Variants in ERAL1 observed in about 807,000 individuals in gnomAD.
ERAL1 encodes GTPase Era, mitochondrial.
A neutral mutation model predicts 53.6 loss-of-function variants in ERAL1; 36 were observed. The observed-to-expected ratio is 0.67, with a 90% CI of 0.51 to 0.89. The LOEUF is 0.89. Among genes scored for constraint, ERAL1 ranks in the 40% least tolerant of loss-of-function variants. The pLI, the probability that ERAL1 is intolerant of heterozygous loss-of-function variation, is 0.00. For synonymous variants in ERAL1, 215 were observed against 211.8 expected (o/e 1.02, Z -0.13); for missense variants, 512 against 537.5 (o/e 0.95, Z 0.47).
Position 28,859,105 on chromosome 17 carries a change from G to A in ERAL1, c.1102G>A (p.Val368Ile). 6.2e-7 allele frequency: 1 copy of A among 1,614,152 alleles called. No individual in the cohort carries two copies. The highest frequency in any genetic ancestry group is 1.3e-5 in the African/African-American group (1 of 75,062). Reference sequence around the variant, plus strand: ...CCTGCCCCAGGAGGTGCCTTACAATGTACAGCAGGTACAGAGTGAAGGGTT... The same window carrying A: ...CCTGCCCCAGGAGGTGCCTTACAATATACAGCAGGTACAGAGTGAAGGGTT... The part of the protein sequence containing the change: ...EHLPQEVPYN[V>I]QQKTAVWEEG... The change falls in exon 8 of 10, where the codon GTA becomes ATA. Residue 368 changes from valine (V) to isoleucine (I), a missense_variant. Transcript: ENST00000254928.
intron 3 of ERAL1, 188 bp downstream of exon 3, chr17:28,856,770 G>A (rs1337438372): frequency 1.8e-6 from 1 of 542,560 alleles, no homozygotes; most frequent in Non-Finnish European, 3.3e-6. Context: ...GGAGTGCAGT[G>A]ACGCGATCTT....
At position 28,858,797 on chromosome 17, in the gene ERAL1, A is replaced by G; in HGVS notation, c.933A>G (p.Leu311=). The change falls in exon 7 of 10, where the codon CTA becomes CTG. Residue 311 remains leucine (L), a synonymous_variant. Transcript: ENST00000254928. Reference sequence around the variant, plus strand: ...AGGAGATCTTCATGTTGTCAGCCCTAAGCCAGGAGGACGTGAAAACACTAA... The same window carrying G: ...AGGAGATCTTCATGTTGTCAGCCCTGAGCCAGGAGGACGTGAAAACACTAA... ...HFKEIFMLSA[L]SQEDVKTLKQ... The G allele has an allele frequency of 6.2e-7, 1 of 1,614,164 alleles. No homozygotes were observed. The highest frequency in any genetic ancestry group is 2.2e-5 in the East Asian group (1 of 44,880).
rs761951821 is a variant in ERAL1, at chr17:28,860,511, C to T, written c.1272C>T (p.Leu424=). ...GCCATGACCTCATGGACATCTTCCT[C>T]TGCGATGTTGACATCCGCCTCTCTG... ...EAGHDLMDIF[L]CDVDIRLSVK... Residue 424 remains leucine (L), a synonymous_variant, in exon 10 of 10, where the codon CTC becomes CTT. Transcript: ENST00000254928. The T allele has an allele frequency of 1.9e-6, 3 of 1,607,708 alleles. No homozygotes were observed. The Admixed American group carries it at 5.1e-5, about 27-fold the overall frequency.
rs1131692170 is a variant in ERAL1, at chr17:28,858,482, A to T, written c.707A>T (p.Asn236Ile). 1.9e-6 allele frequency: 3 copies of T among 1,613,978 alleles called. No homozygotes were observed. Among genetic ancestry groups the T allele is most frequent in the Non-Finnish European group, 2.5e-6 (3 of 1,180,002 alleles). ...CAGATCCCTAGTGTCCTGGTCATGA[A>T]CAAGGTGAGCACTACCCACCTGAGG... is the stretch of plus-strand genomic sequence containing the variant. ...YSQIPSVLVM[N>I]KVDCLKQKSV... The change falls in exon 6 of 10, where the codon AAC becomes ATC. Residue 236 changes from asparagine to isoleucine, a missense_variant. By Grantham distance (149) the Asn-to-Ile change is moderately radical. Transcript: ENST00000254928.
At position 28,855,167 on chromosome 17, in the gene ERAL1, T is replaced by A. The variant is rs1463415487; in HGVS notation, c.133T>A (p.Ser45Thr). The change falls in exon 1 of 10, where the codon TCC becomes ACC. Residue 45 changes from serine to threonine, a missense_variant. Physicochemically the swap from Ser to Thr is moderately conservative, Grantham distance 58. Coordinates refer to ENST00000254928, the MANE Select transcript of ERAL1 (RefSeq NM_005702.4). ...SLLGFQRRCV[S>T]CVAGSAFSGP... ...CTTAGGCTTCCAACGGAGGTGCGTG[T>A]CCTGCGTCGCGGGGTCCGCTTTCTC... 1.9e-6 allele frequency: 3 copies of A among 1,614,128 alleles called. No homozygotes were observed. In the African/African-American group the frequency reaches 4.0e-5, roughly 22 times the overall value.
Position 28,858,814 on chromosome 17 carries a change from A to C in ERAL1, c.950A>C (p.Lys317Thr). 6.2e-7 allele frequency: 1 copy of C among 1,614,178 alleles called. No homozygotes were observed. Among genetic ancestry groups the C allele is most frequent in the Non-Finnish European group, 8.5e-7 (1 of 1,180,006 alleles). The change falls in exon 7 of 10, where the codon AAA becomes ACA. Residue 317 changes from lysine (K) to threonine (T), a missense_variant. Lys to Thr is a moderately conservative substitution (Grantham distance 78). Coordinates refer to ENST00000254928, the MANE Select transcript of ERAL1 (RefSeq NM_005702.4). ...TCAGCCCTAAGCCAGGAGGACGTGAAAACACTAAAGGTCAGTTAGTCTTGG... is the reference window on the plus strand; with the variant it reads ...TCAGCCCTAAGCCAGGAGGACGTGACAACACTAAAGGTCAGTTAGTCTTGG... ...MLSALSQEDV[K>T]TLKQYLLTQA... is the part of the protein sequence containing the mutation.
rs747889597 is a variant in ERAL1 at position 28,860,446 on chromosome 17, C to G, written c.1207C>G (p.Pro403Ala). 1.2e-6 allele frequency: 2 copies of G among 1,612,024 alleles called. No homozygotes were observed. Among genetic ancestry groups the G allele is most frequent in the Non-Finnish European group, 1.7e-6 (2 of 1,179,142 alleles). Residue 403 changes from proline (P) to alanine (A), a missense_variant, in exon 10 of 10, where the codon CCG becomes GCG. By Grantham distance (27) the Pro-to-Ala change is conservative. Transcript: ENST00000254928. ...KESYVKLLIG[P>A]KGHVISQIAQ... ...ATACCCTCAGAAACTCCTGATTGGT[C>G]CGAAGGGCCACGTGATCTCCCAGAT...
chr17:28,858,725 C>A lies in ERAL1; in HGVS notation c.861C>A (p.Asn287Lys). 6.2e-7 allele frequency: 1 copy of A among 1,614,226 alleles called. No individual in the cohort carries two copies. The highest frequency in any genetic ancestry group is 8.5e-7 in the Non-Finnish European group (1 of 1,180,042). Residue 287 changes from asparagine (N) to lysine (K), a missense_variant, in exon 7 of 10, where the codon AAC (asparagine) becomes AAA (lysine). Transcript: ENST00000254928. Reference sequence around the variant, plus strand: ...CCAGCCCAGCAGTTAAGGACCCAAACACACAATCTGTGGGAAATCCTCAGA... The same window carrying A: ...CCAGCCCAGCAGTTAAGGACCCAAAAACACAATCTGTGGGAAATCCTCAGA... The part of the protein sequence containing the change: ...HCPSPAVKDP[N>K]TQSVGNPQRI...
chr17:28,859,965 T>C (rs2039287789), intron 9 of ERAL1, among the ~76,000 whole-genome samples: 1 of 151,596 alleles, frequency 6.6e-6, no homozygotes, highest in African/African-American at 2.4e-5. Flanking sequence ...TCTAACCCTC[T>C]CTTTTTTTTA....
At chr17:28,858,027 G>A (rs768640741) in intron 4 of ERAL1, 42 bp downstream of exon 4, 27 of 1,613,882 alleles carry the variant, frequency 1.7e-5, no homozygotes, top group Middle Eastern at 3.3e-4. Flanking sequence ...GGGAGGTACT[G>A]AAAGAGGGTG....
Position 28,860,666 on chromosome 17 carries a change from A to G in ERAL1, c.*113A>G. 7.4e-7 allele frequency: 1 copy of G among 1,348,006 alleles called. No homozygotes were observed. The highest frequency in any genetic ancestry group is 2.8e-5 in the Admixed American group (1 of 36,260). The allele number at this position is 1,348,006 out of a possible 1,614,324, so 83.5% of individuals were successfully genotyped here. A position where few individuals can be genotyped will look rare whatever the true frequency, so the allele number is the denominator to read the frequency against. On this transcript the variant is annotated 3_prime_UTR_variant, in exon 10 of 10. Coordinates refer to ENST00000254928, the MANE Select transcript of ERAL1 (RefSeq NM_005702.4). ...GCACTGGTGAGAGACATGAACACTGACTGGCCACTAGCTGGCCTGGCCCTG... is the reference window on the plus strand; with the variant it reads ...GCACTGGTGAGAGACATGAACACTGGCTGGCCACTAGCTGGCCTGGCCCTG...
Position 28,860,423 on chromosome 17 carries a change from A to G in ERAL1, c.1192-8A>G, listed in dbSNP as rs1386976224. ...TTCCTGGCTTCCTTCTCTTTCACAT[A>G]CCCTCAGAAACTCCTGATTGGTCCG... On this transcript the variant is annotated splice_region_variant and splice_polypyrimidine_tract_variant and intron_variant, in intron 9 of 9. Coordinates refer to ENST00000254928, the MANE Select transcript of ERAL1 (RefSeq NM_005702.4). 6.2e-7 allele frequency: 1 copy of G among 1,610,444 alleles called. No individual in the cohort carries two copies. Among genetic ancestry groups the G allele is most frequent in the Non-Finnish European group, 8.5e-7 (1 of 1,178,556 alleles).
rs2039301226 is a variant in ERAL1, at chr17:28,861,006, C to T, written c.*453C>T. ...GCTCCCCAATTCTTGATCTCTCCCA[C>T]CCCATCCCTCTCCCCAGTCTTGGAT... On this transcript the variant is annotated 3_prime_UTR_variant, in exon 10 of 10. Transcript: ENST00000254928. 4.8e-6 allele frequency: 1 copy of T among 208,374 alleles called. No individual in the cohort carries two copies. The highest frequency in any genetic ancestry group is 9.6e-6 in the Non-Finnish European group (1 of 104,622). The allele number at this position is 208,374 out of a possible 1,614,324, so 12.9% of individuals were successfully genotyped here.
intron 1 of ERAL1, 71 bp from the exon 2 acceptor site, chr17:28,856,193 G>T: frequency 6.3e-7 from 1 of 1,585,902 alleles, no homozygotes; most frequent in Non-Finnish European, 8.6e-7. Flanking sequence ...CTTTGTGGGT[G>T]GGCAGGAACA....
chr17:28,856,211 G>C (rs1466097487), intron 1 of ERAL1, 53 bp from the exon 2 acceptor site: 12 of 1,605,214 alleles, frequency 7.5e-6, no homozygotes, highest in Non-Finnish European at 1.0e-5. Context: ...ACAAGCACTT[G>C]ACAGGAAATC....
Position 28,858,758 on chromosome 17 carries a change from C to T in ERAL1, c.894C>T (p.Gly298=), listed in dbSNP as rs761088895. 1 of 1,614,234 alleles carries T rather than the reference C, an allele frequency of 6.2e-7. No homozygotes were observed. The highest frequency in any genetic ancestry group is 1.1e-5 in the South Asian group (1 of 91,082). Residue 298 remains glycine (G), a synonymous_variant, in exon 7 of 10, where the codon GGC becomes GGT. Transcript: ENST00000254928. ...CTGTGGGAAATCCTCAGAGGATTGG[C>T]TGGCCCCACTTCAAGGAGATCTTCA... ...TQSVGNPQRI[G]WPHFKEIFML...
chr17:28,855,253 C>T lies in ERAL1; in HGVS notation c.219C>T (p.Phe73=), dbSNP rs1449698531. ...SNGQGSALDH[F]LGFSQPDSSV... ...GCCAGGGCTCTGCCCTGGACCACTT[C>T]CTCGGATTCTCTCAGCCCGACAGTT... The change falls in exon 1 of 10, where the codon TTC becomes TTT. Residue 73 remains phenylalanine (F), a synonymous_variant. Transcript: ENST00000254928. 1 of 1,613,046 alleles carries T rather than the reference C, an allele frequency of 6.2e-7. No individual in the cohort carries two copies. Among genetic ancestry groups the T allele is most frequent in the Admixed American group, 1.7e-5 (1 of 59,860 alleles).
At chr17:28,857,738 G>C (rs1308792364) in intron 3 of ERAL1, among the ~76,000 whole-genome samples, 1 of 152,132 alleles carries the variant, frequency 6.6e-6, no homozygotes, top group East Asian at 1.9e-4. Context: ...GTTGCAGTGA[G>C]CTGAGATTGT....
chr17:28,858,349 T>G (rs766630849), intron 5 of ERAL1, 25 bp from the exon 6 acceptor site: 1 of 1,613,028 alleles, frequency 6.2e-7, no homozygotes, highest in Non-Finnish European at 8.5e-7. Flanking sequence ...TTCCTTTTCC[T>G]TCTTCCTGCC....
Sources: allele counts gnomAD v4.1 joint callset (sites outside exome capture counted in the v4.1 genomes callset), GRCh38; gene constraint gnomAD v4.1.1; transcripts MANE v1.5; gene names NCBI Gene and HGNC (gene_info 2026-07-23, HGNC 2026-07-21).